ZNF37A: variants seen among roughly 807,000 people sequenced by gnomAD.
The protein encoded by ZNF37A is zinc finger protein 37A.
In ZNF37A, 10 loss-of-function variants were observed where a neutral mutation model predicts 12.3. That is an observed-to-expected ratio of 0.82 (90% confidence interval 0.50 to 1.38). The LOEUF (loss-of-function observed/expected upper bound fraction) is 1.38, where lower values mean the gene tolerates loss of function less well. Among genes scored for constraint, ZNF37A ranks in the 40% most tolerant of loss-of-function variants. The pLI is 0.00. For synonymous variants in ZNF37A, 207 were observed against 223.0 expected (o/e 0.93, Z 0.64); for missense variants, 580 against 651.2 (o/e 0.89, Z 1.19).
At chr10:38,099,936 T>C (rs1181735006) in intron 5 of ZNF37A, among the ~76,000 whole-genome samples, 1 of 152,212 alleles carries the variant, frequency 6.6e-6, no homozygotes, top group Non-Finnish European at 1.5e-5. Context: ...GTGAAATGTA[T>C]TGGGGAACCT....
At chr10:38,141,229 T>G (rs1466223916) in intron 7 of ZNF37A, 1 of 152,198 alleles carries the variant, frequency 6.6e-6, no homozygotes, top group Non-Finnish European at 1.5e-5. Context: ...AAGTGTGGGC[T>G]GGATTTAGTG....
intron 5 of ZNF37A, among the ~76,000 whole-genome samples, chr10:38,112,792 T>TGTC (rs1276583098): frequency 3.4e-5 from 2 of 58,468 alleles, no homozygotes; most frequent in African/African-American, 6.0e-5. Context: ...TTTCTTTTCT[T>TGTC]TTCTTGTCTT....
chr10:38,110,259 G>T (rs1384995919), intron 5 of ZNF37A, among the ~76,000 whole-genome samples: 1 of 152,124 alleles, frequency 6.6e-6, no homozygotes, highest in Non-Finnish European at 1.5e-5. Context: ...TTAATAAATG[G>T]TGTTGGGAAA....
At chr10:38,097,468 G>A (rs2067233619) in intron 5 of ZNF37A, among the ~76,000 whole-genome samples, 1 of 151,176 alleles carries the variant, frequency 6.6e-6, no homozygotes. Context: ...ATCCCAGCTA[G>A]TCAGGAGGCT....
chr10:38,108,852 A>G (rs2068375558), intron 5 of ZNF37A, among the ~76,000 whole-genome samples: 1 of 152,216 alleles, frequency 6.6e-6, no homozygotes, highest in South Asian at 2.1e-4. Flanking sequence ...ATAGCCTACC[A>G]ACCAAAAATG....
chr10:38,114,717 C>A, intron 5 of ZNF37A, 38 bp from the exon 6 acceptor site: 1 of 1,613,658 alleles, frequency 6.2e-7, no homozygotes, highest in South Asian at 1.1e-5. Flanking sequence ...TCAACTGATT[C>A]TTATCACTTC....
downstream of ZNF37A, among the ~76,000 whole-genome samples, chr10:38,128,981 T>G (rs2136073738): frequency 6.6e-6 from 1 of 152,220 alleles, no homozygotes; most frequent in South Asian, 2.1e-4. Context: ...CTCGAACTCC[T>G]GACCTCGTGA....
At position 38,119,670 on chromosome 10, in the gene ZNF37A, C is replaced by A; in HGVS notation, c.*833C>A. The A allele has an allele frequency of 6.5e-6, 1 of 153,614 alleles. No homozygotes were observed. The highest frequency in any genetic ancestry group is 1.4e-5 in the Non-Finnish European group (1 of 69,320). The allele number at this position is 153,614 out of a possible 1,614,324, so 9.5% of individuals were successfully genotyped here. ...CTATTTTCTAAGAGACTTCTAAAGA[C>A]GCCACTCAAGCCAATGGCTATAAGT... On this transcript the variant is annotated 3_prime_UTR_variant, in exon 8 of 8. Transcript: ENST00000685332.
intron 7 of ZNF37A, among the ~76,000 whole-genome samples, chr10:38,134,139 A>G (rs12268465): frequency 0.071 from 10,823 of 152,164 alleles, 395 homozygotes; most frequent in Middle Eastern, 0.095. Flanking sequence ...GCTCCATCAG[A>G]TCATTTAAGG....
intron 5 of ZNF37A, among the ~76,000 whole-genome samples, chr10:38,104,910 T>C (rs2505195): frequency 0.41 from 62,489 of 151,852 alleles, 13,052 homozygotes; most frequent in East Asian, 0.5. Context: ...CTGTTTTCCA[T>C]CTTTGTAACT....
intron 7 of ZNF37A, chr10:38,115,645 C>T: frequency 6.3e-6 from 1 of 158,670 alleles, no homozygotes; most frequent in Non-Finnish European, 1.4e-5. Context: ...TGTACTCTTC[C>T]CAGTAAAGAG....
intron 7 of ZNF37A, chr10:38,138,776 T>G (rs2070143679): frequency 1.3e-5 from 2 of 152,174 alleles, no homozygotes; most frequent in African/African-American, 4.8e-5. Context: ...CCCTAGAATT[T>G]TAGAGTCTTG....
At chr10:38,100,219 C>T (rs1055074722) in intron 5 of ZNF37A, among the ~76,000 whole-genome samples, 17 of 152,268 alleles carry the variant, frequency 1.1e-4, no homozygotes, top group South Asian at 2.1e-4. Context: ...GTGGAGGCAG[C>T]GTGAGATCAC....
At chr10:38,096,537 C>T (rs2067167137) in intron 4 of ZNF37A, 37 bp from the exon 5 acceptor site, 8 of 1,486,900 alleles carry the variant, frequency 5.4e-6, no homozygotes, top group South Asian at 1.2e-5. Flanking sequence ...CCTTTTAAGG[C>T]AAGTGACATC....
In ZNF37A at chr10:38,118,844, A is replaced by C; in HGVS notation, c.*7A>C. The stretch of plus-strand genomic sequence containing the variant: ...GGGAAATTACTCTGGGTGAAGTCAG[A>C]ACTTTGTAGAACACAGAACATAAAG... On this transcript the variant is annotated 3_prime_UTR_variant, in exon 8 of 8. Transcript: ENST00000685332. The C allele has an allele frequency of 6.4e-7, 1 of 1,551,834 alleles. No homozygotes were observed. The highest frequency in any genetic ancestry group is 8.7e-7 in the Non-Finnish European group (1 of 1,154,138).
At chr10:38,139,940 A>G (rs547558356) in intron 7 of ZNF37A, 1 of 152,330 alleles carries the variant, frequency 6.6e-6, no homozygotes, top group South Asian at 2.1e-4. Flanking sequence ...ACATGTATTC[A>G]TAATCATCTT....
rs2069401191 is a variant in ZNF37A, at chr10:38,117,838, T to A, written c.687T>A (p.Asn229Lys). 1 of 1,613,890 alleles carries A rather than the reference T, an allele frequency of 6.2e-7. No individual in the cohort carries two copies. The change falls in exon 8 of 8, where the codon AAT (asparagine) becomes AAA (lysine). Residue 229 changes from asparagine to lysine, a missense_variant. By Grantham distance (94) the Asn-to-Lys change is moderately conservative. Coordinates refer to ENST00000685332, the MANE Select transcript of ZNF37A (RefSeq NM_001324250.3). ...TTTACCCATTCAGCCAGAAGTTAAA[T>A]CTCACTCCAATTCAGAGAACCCACT... ...QSVYPFSQKLNLTPIQRTHSI... is the reference protein window; with the variant it reads ...QSVYPFSQKLKLTPIQRTHSI...
chr10:38,112,512 G>A (rs1161270492), intron 5 of ZNF37A, among the ~76,000 whole-genome samples: 1 of 150,092 alleles, frequency 6.7e-6, no homozygotes, highest in Non-Finnish European at 1.5e-5. Flanking sequence ...GGGCTATAAT[G>A]TACACAGTGC....
intron 7 of ZNF37A, chr10:38,142,926 A>T (rs1173645415): frequency 5.3e-5 from 8 of 152,260 alleles, no homozygotes; most frequent in Non-Finnish European, 1.0e-4. Flanking sequence ...CAGTTTAGAA[A>T]AACTCAAGAA....
Sources: allele counts gnomAD v4.1 joint callset (sites outside exome capture counted in the v4.1 genomes callset), GRCh38; gene constraint gnomAD v4.1.1; transcripts MANE v1.5; gene names NCBI Gene and HGNC (gene_info 2026-07-23, HGNC 2026-07-21).